The following ARID4B variants were observed in gnomAD, a reference collection of about 807,000 sequenced individuals.
ARID4B encodes the protein AT-rich interactive domain-containing protein 4B.
In ARID4B, 26 loss-of-function variants were observed where a neutral mutation model predicts 147.5. The observed-to-expected ratio is 0.18, with a 90% CI of 0.13 to 0.24. ARID4B has a LOEUF of 0.24. Among genes scored for constraint, ARID4B ranks in the 10% least tolerant of loss-of-function variants. The pLI, the probability that ARID4B is intolerant of heterozygous loss-of-function variation, is 1.00. For synonymous variants in ARID4B, 512 were observed against 507.9 expected (o/e 1.01, Z -0.11); for missense variants, 1,179 against 1,511.5 (o/e 0.78, Z 3.65).
chr1:235,270,736 T>C (rs1670929392), intron 2 of ARID4B, among the ~76,000 whole-genome samples: 1 of 152,230 alleles, frequency 6.6e-6, no homozygotes. Flanking sequence ...CAATCTACTC[T>C]GCCTTGAGAA....
Position 235,290,005 on chromosome 1 carries a change from G to A in ARID4B, c.7-29253C>T, listed in dbSNP as rs1235216069. Among the ~76,000 whole-genome samples, 7 of 150,296 alleles carry A rather than the reference G, an allele frequency of 4.7e-5. No individual in the cohort carries two copies. In the Admixed American group the frequency reaches 4.7e-4, roughly 10 times the overall value. On this transcript the variant is annotated intron_variant, in intron 2 of 23. Coordinates refer to ENST00000264183, the MANE Select transcript of ARID4B (RefSeq NM_016374.6). ...CTATCATGCCACTACACTCCCTCCAGCCTGGACGATATAGTGAGACTCTAT... is the reference window on the plus strand; with the variant it reads ...CTATCATGCCACTACACTCCCTCCAACCTGGACGATATAGTGAGACTCTAT...
chr1:235,227,935 C>A (rs1667935775), intron 11 of ARID4B, among the ~76,000 whole-genome samples: 1 of 150,630 alleles, frequency 6.6e-6, no homozygotes, highest in Non-Finnish European at 1.5e-5. Context: ...CGGGTTCAAG[C>A]AATTCTACTG....
At chr1:235,194,474 C>G (rs1175560563) in intron 18 of ARID4B, among the ~76,000 whole-genome samples, 6 of 152,038 alleles carry the variant, frequency 3.9e-5, no homozygotes, top group Non-Finnish European at 7.4e-5. Flanking sequence ...GACTAGCAAA[C>G]CTACAACTTG....
intron 23 of ARID4B, among the ~76,000 whole-genome samples, chr1:235,169,478 T>C (rs1054816119): frequency 9.2e-5 from 14 of 151,764 alleles, no homozygotes; most frequent in African/African-American, 3.4e-4. Context: ...CCTGACCTCA[T>C]GATCCGCCCA....
intron 7 of ARID4B, among the ~76,000 whole-genome samples, chr1:235,244,604 G>A (rs1669184471): frequency 1.3e-5 from 2 of 152,042 alleles, no homozygotes; most frequent in Non-Finnish European, 2.9e-5. Flanking sequence ...AATCAATTTT[G>A]GAATAACTAG....
intron 6 of ARID4B, among the ~76,000 whole-genome samples, chr1:235,247,855 G>A (rs1341667429): frequency 6.6e-6 from 1 of 152,064 alleles, no homozygotes; most frequent in Non-Finnish European, 1.5e-5. Context: ...TGGCATGGTG[G>A]TGGGTGCCTG....
At chr1:235,200,078 G>A (rs1035910864) in intron 17 of ARID4B, among the ~76,000 whole-genome samples, 2 of 151,854 alleles carry the variant, frequency 1.3e-5, no homozygotes, top group Admixed American at 1.3e-4. Context: ...CAGAACTATG[G>A]GAGGCCCAGA....
At chr1:235,281,696 C>T (rs564717722) in intron 2 of ARID4B, among the ~76,000 whole-genome samples, 28 of 152,172 alleles carry the variant, frequency 1.8e-4, no homozygotes, top group Non-Finnish European at 3.4e-4. Flanking sequence ...AGTGACAGAC[C>T]AACAGCCTGC....
chr1:235,322,648 T>G (rs1281124085), intron 2 of ARID4B, among the ~76,000 whole-genome samples: 1 of 152,200 alleles, frequency 6.6e-6, no homozygotes, highest in Non-Finnish European at 1.5e-5. Context: ...TAAATAGATA[T>G]GCTAGGAGTT....
At position 235,281,598 on chromosome 1, in the gene ARID4B, C is replaced by T. The variant is rs1176001317; in HGVS notation, c.7-20846G>A. Among the ~76,000 whole-genome samples the T allele has an allele frequency of 5.3e-5, 8 of 151,926 alleles. No individual in the cohort carries two copies. The East Asian group carries it at 5.8e-4, about 11-fold the overall frequency. ...GCCCATGCCTGTGGCCCCAGCTACTCGTGGTGGAGGCTGAGGTAGAAGGAT... is the reference window on the plus strand; with the variant it reads ...GCCCATGCCTGTGGCCCCAGCTACTTGTGGTGGAGGCTGAGGTAGAAGGAT... On this transcript the variant is annotated intron_variant, in intron 2 of 23. Transcript: ENST00000264183.
At chr1:235,283,172 A>G (rs980774646) in intron 2 of ARID4B, among the ~76,000 whole-genome samples, 2 of 152,264 alleles carry the variant, frequency 1.3e-5, no homozygotes, top group Non-Finnish European at 2.9e-5. Context: ...TAAATAAAAA[A>G]GTATTATTAC....
Position 235,218,640 on chromosome 1 carries a change from G to C in ARID4B, c.1583+1153C>G, listed in dbSNP as rs113046585. Among the ~76,000 whole-genome samples, 1,275 of 151,968 alleles carry C rather than the reference G, an allele frequency of 8.4e-3. 11 individuals carry two copies. The highest frequency in any genetic ancestry group is 0.041 in the Middle Eastern group (12 of 294). On this transcript the variant is annotated intron_variant, in intron 16 of 23. Transcript: ENST00000264183. ...GGTGCCACCAAAATTTCAGAACTCTGATCAATCAAAAGATTTTAGGCAAAA... is the reference window on the plus strand; with the variant it reads ...GGTGCCACCAAAATTTCAGAACTCTCATCAATCAAAAGATTTTAGGCAAAA...
In ARID4B at chr1:235,229,044, C is replaced by A. The variant is rs78671813; in HGVS notation, c.897+187G>T. On this transcript the variant is annotated intron_variant, in intron 11 of 23. Transcript: ENST00000264183. ...AAATCAGGCTTAATATTTTCTATTT[C>A]ACAAGATCATATATCTAAAGTAACC... is the stretch of plus-strand genomic sequence containing the variant. 2.5e-3 allele frequency: 1,570 copies of A among 638,344 alleles called. 22 individuals carry two copies. The African/African-American group carries it at 0.027, about 11-fold the overall frequency. The allele number at this position is 638,344 out of a possible 1,614,324, so 39.5% of individuals were successfully genotyped here. A position where few individuals can be genotyped will look rare whatever the true frequency, so the allele number is the denominator to read the frequency against.
chr1:235,276,424 T>C (rs1355391602), intron 2 of ARID4B, among the ~76,000 whole-genome samples: 1 of 152,162 alleles, frequency 6.6e-6, no homozygotes, highest in Non-Finnish European at 1.5e-5. Flanking sequence ...AACAATAGTT[T>C]ACATCTTCAA....
intron 8 of ARID4B, among the ~76,000 whole-genome samples, chr1:235,237,067 T>C (rs1668658352): frequency 6.8e-6 from 1 of 147,844 alleles, no homozygotes; most frequent in Admixed American, 6.9e-5. Context: ...CAGAAGGGGT[T>C]TCACTATGTT....
rs1159603133 is a variant in ARID4B, at chr1:235,236,842, A to ATATATATATATATATGTG, written c.586-2351_586-2350insCACATATATATATATATA. On this transcript the variant is annotated intron_variant, in intron 8 of 23. Transcript: ENST00000264183. ...AAACGGTTTTATAAAAAATATATAT[A>ATATATATATATATATGTG]TATATATATATATATATATATTTTT... Among the ~76,000 whole-genome samples, 10 of 31,730 alleles carry ATATATATATATATATGTG rather than the reference A, an allele frequency of 3.2e-4. 1 individual carries two copies. Among genetic ancestry groups the ATATATATATATATATGTG allele is most frequent in the Non-Finnish European group, 5.0e-4 (8 of 15,876 alleles). 20.8% of individuals were successfully genotyped at this position (31,730 alleles called of 152,430 possible).
intron 8 of ARID4B, among the ~76,000 whole-genome samples, chr1:235,239,953 G>C (rs1311963117): frequency 6.6e-6 from 1 of 152,116 alleles, no homozygotes; most frequent in Non-Finnish European, 1.5e-5. Context: ...GATTCACTAA[G>C]TATGAGGAAA....
rs1203550386 is a variant in ARID4B at position 235,182,419 on chromosome 1, G to C, written c.2500C>G (p.Leu834Val). The change falls in exon 20 of 24, where the codon CTA becomes GTA. Residue 834 changes from leucine to valine, a missense_variant. Physicochemically the swap from Leu to Val is conservative, Grantham distance 32. Coordinates refer to ENST00000264183, the MANE Select transcript of ARID4B (RefSeq NM_016374.6). ...TTTTTGCCAGGTGATCCAGTTTTTA[G>C]ACACTCTTCTGTATTGCAATACCTT... The part of the protein sequence containing the change: ...KRRYCNTEEC[L>V]KTGSPGKKEE... 1.2e-6 allele frequency: 2 copies of C among 1,609,212 alleles called. No individual in the cohort carries two copies. Among genetic ancestry groups the C allele is most frequent in the Non-Finnish European group, 1.7e-6 (2 of 1,178,916 alleles).
In ARID4B at chr1:235,166,975, T is replaced by C. The variant is rs1297543218; in HGVS notation, c.*1550A>G. 1 of 179,998 alleles carries C rather than the reference T, an allele frequency of 5.6e-6. No individual in the cohort carries two copies. The highest frequency in any genetic ancestry group is 2.4e-5 in the African/African-American group (1 of 42,346). 11.2% of individuals were successfully genotyped at this position (179,998 alleles called of 1,614,324 possible). A position where few individuals can be genotyped will look rare whatever the true frequency, so the allele number is the denominator to read the frequency against. On this transcript the variant is annotated 3_prime_UTR_variant, in exon 24 of 24. Transcript: ENST00000264183. ...AATATATTACATAATTCTTCATTGT[T>C]TGCAGATCCTAATATATACTTTATA...
Sources: gnomAD v4.1 joint callset for allele counts (sites outside exome capture counted in the v4.1 genomes callset) on GRCh38, gnomAD v4.1.1 for gene constraint, MANE v1.5 for transcripts, NCBI Gene and HGNC (gene_info 2026-07-23, HGNC 2026-07-21) for gene names.